The following HECW2 variants were observed in gnomAD, a reference collection of about 807,000 sequenced individuals.
HECW2 encodes the protein HECT, C2 and WW domain containing E3 ubiquitin protein ligase 2.
A neutral mutation model predicts 175.2 loss-of-function variants in HECW2; 61 were observed. That is an observed-to-expected ratio of 0.35 (90% confidence interval 0.28 to 0.43). HECW2 has a LOEUF of 0.43. Among genes scored for constraint, HECW2 ranks in the 20% least tolerant of loss-of-function variants. The pLI is 1.00. For missense variants in HECW2, 1,524 were observed against 2,000.5 expected (o/e 0.76, Z 4.54); for synonymous variants, 671 against 731.0 (o/e 0.92, Z 1.32).
rs1020806321 is a variant in HECW2, at chr2:196,322,957, T to C, written c.742-337A>G. Among the ~76,000 whole-genome samples the C allele has an allele frequency of 2.0e-5, 3 of 152,248 alleles. No individual in the cohort carries two copies. The East Asian group carries it at 5.8e-4, about 29-fold the overall frequency. On this transcript the variant is annotated intron_variant, in intron 6 of 28. Coordinates refer to ENST00000644978, the MANE Select transcript of HECW2 (RefSeq NM_001348768.2). ...CTCCCTACATTTATTGTATCTCAAT[T>C]CTTTGATATTTAATATCTTGTTATA...
chr2:196,450,041 T>C (rs1304422417), intron 1 of HECW2, among the ~76,000 whole-genome samples: 2 of 152,238 alleles, frequency 1.3e-5, no homozygotes, highest in Admixed American at 6.5e-5. Context: ...CTTGGTGGTG[T>C]GCCAGGCTGA....
rs754882877 is a variant in HECW2, at chr2:196,433,202, C to T, written c.222G>A (p.Gln74=). The change falls in exon 2 of 29, where the codon CAG becomes CAA. Residue 74 remains glutamine (Q), a synonymous_variant. Transcript: ENST00000644978. ...TAATGTCCCAGAAGATAATGAGGTTCTGGGCTTGCCCCAGCGTGTACTCGT... is the reference window on the plus strand; with the variant it reads ...TAATGTCCCAGAAGATAATGAGGTTTTGGGCTTGCCCCAGCGTGTACTCGT... The part of the protein sequence containing the change: ...SMYEYTLGQA[Q]NLIIFWDIKE... 6.2e-7 allele frequency: 1 copy of T among 1,614,164 alleles called. No individual in the cohort carries two copies. Among genetic ancestry groups the T allele is most frequent in the Admixed American group, 1.7e-5 (1 of 60,022 alleles).
chr2:196,475,335 G>A (rs547322968), intron 1 of HECW2, among the ~76,000 whole-genome samples: 1 of 150,312 alleles, frequency 6.7e-6, no homozygotes, highest in Non-Finnish European at 1.5e-5. Context: ...GAGATGGGGG[G>A]AGAGGGAGGG....
At position 196,201,107 on chromosome 2, in the gene HECW2, G is replaced by T. The variant is rs753861187; in HGVS notation, c.*170C>A. On this transcript the variant is annotated 3_prime_UTR_variant, in exon 29 of 29. Coordinates refer to ENST00000644978, the MANE Select transcript of HECW2 (RefSeq NM_001348768.2). ...CAAGCTCACCCAAATCCTTCCAAGAGGACTCATCTCCAGTCCCCAAATGTG... is the reference window on the plus strand; with the variant it reads ...CAAGCTCACCCAAATCCTTCCAAGATGACTCATCTCCAGTCCCCAAATGTG... 190 of 582,330 alleles carry T rather than the reference G, an allele frequency of 3.3e-4. No homozygotes were observed. Among genetic ancestry groups the T allele is most frequent in the Non-Finnish European group, 5.2e-4 (167 of 319,292 alleles). 36.1% of individuals were successfully genotyped at this position (582,330 alleles called of 1,614,324 possible).
At position 196,217,093 on chromosome 2, in the gene HECW2, C is replaced by A; in HGVS notation, c.4409G>T (p.Gly1470Val). 2 of 1,589,806 alleles carry A rather than the reference C, an allele frequency of 1.3e-6. No homozygotes were observed. The highest frequency in any genetic ancestry group is 1.8e-5 in the Admixed American group (1 of 55,292). The change falls in exon 27 of 29, where the codon GGA becomes GTA. Residue 1470 changes from glycine to valine, a missense_variant and splice_region_variant. By Grantham distance (109) the Gly-to-Val change is moderately radical. This residue lies in a region of HECW2 where 134 missense variants were observed against 287.8 expected (regional missense o/e 0.47). Coordinates refer to ENST00000644978, the MANE Select transcript of HECW2 (RefSeq NM_001348768.2). ...DWRNNTEYRG[G>V]YHDNHIVIRW... ...AATTACAATATGATTGTCATGGTAT[C>A]CTATCAAACCAATCATAAAAGCCCA...
chr2:196,468,257 A>G (rs547069337), intron 1 of HECW2, among the ~76,000 whole-genome samples: 3 of 152,354 alleles, frequency 2.0e-5, no homozygotes, highest in African/African-American at 7.2e-5. Context: ...GGCCTCCCAA[A>G]GTGTTATGAT....
intron 1 of HECW2, among the ~76,000 whole-genome samples, chr2:196,459,679 C>T (rs1310010809): frequency 6.6e-6 from 1 of 152,116 alleles, no homozygotes; most frequent in East Asian, 1.9e-4. Context: ...CTCCTGAAAC[C>T]GCCCCTCCTT....
intron 2 of HECW2, among the ~76,000 whole-genome samples, chr2:196,350,102 G>A (rs939255123): frequency 3.3e-5 from 5 of 152,124 alleles, no homozygotes; most frequent in African/African-American, 7.2e-5. Flanking sequence ...GGTGGCTCAT[G>A]CTTGTAATCC....
intron 2 of HECW2, among the ~76,000 whole-genome samples, chr2:196,421,538 A>G (rs936276421): frequency 2.0e-5 from 3 of 152,190 alleles, no homozygotes; most frequent in African/African-American, 7.2e-5. Context: ...TAAAAAGCTA[A>G]TTATAACAAA....
At chr2:196,546,192 C>G (rs1161083241) in intron 1 of HECW2, among the ~76,000 whole-genome samples, 1 of 152,178 alleles carries the variant, frequency 6.6e-6, no homozygotes, top group Non-Finnish European at 1.5e-5. Context: ...AGGCACAAAT[C>G]CTGTCTGTGG....
intron 1 of HECW2, among the ~76,000 whole-genome samples, chr2:196,562,310 A>C (rs1690028795): frequency 2.0e-5 from 3 of 152,230 alleles, no homozygotes. Context: ...ATGTACTTTA[A>C]ATGTATAAAG....
intron 1 of HECW2, among the ~76,000 whole-genome samples, chr2:196,436,369 C>T (rs2125279338): frequency 6.9e-6 from 1 of 145,970 alleles, no homozygotes; most frequent in Non-Finnish European, 1.5e-5. Context: ...CCACTGGACT[C>T]CAGTCTGGGC....
At position 196,358,999 on chromosome 2, in the gene HECW2, G is replaced by A. The variant is rs1042533166; in HGVS notation, c.293-15235C>T. Among the ~76,000 whole-genome samples, 9 of 152,274 alleles carry A rather than the reference G, an allele frequency of 5.9e-5. No homozygotes were observed. In the South Asian group the frequency reaches 1.5e-3, roughly 25 times the overall value. On this transcript the variant is annotated intron_variant, in intron 2 of 28. Transcript: ENST00000644978. ...GCCTGGCTTGATAAAGAACCAGATG[G>A]AGGTGCCCTCATCTCCCTAACACAA...
At chr2:196,533,744 TA>T (rs1688922593) in intron 1 of HECW2, among the ~76,000 whole-genome samples, 1 of 152,234 alleles carries the variant, frequency 6.6e-6, no homozygotes, top group Non-Finnish European at 1.5e-5. Flanking sequence ...TATCTCACTG[TA>T]AAACAGTTAT....
rs576988399 is a variant in HECW2, at chr2:196,421,630, G to A, written c.292+11502C>T. Among the ~76,000 whole-genome samples, 8 of 152,194 alleles carry A rather than the reference G, an allele frequency of 5.3e-5. No homozygotes were observed. In the East Asian group the frequency reaches 1.3e-3, roughly 26 times the overall value. On this transcript the variant is annotated intron_variant, in intron 2 of 28. Coordinates refer to ENST00000644978, the MANE Select transcript of HECW2 (RefSeq NM_001348768.2). ...AATCAGAACAAAGAATTTCTAAACC[G>A]CATGCAAAAGCTATCTTAATTCAAT...
At chr2:196,294,286 G>A (rs1559017573) in intron 13 of HECW2, among the ~76,000 whole-genome samples, 1 of 152,172 alleles carries the variant, frequency 6.6e-6, no homozygotes, top group African/African-American at 2.4e-5. Context: ...TATGGCAGCT[G>A]TTTCCTTGAA....
chr2:196,524,660 G>T (rs1335923275), intron 1 of HECW2, among the ~76,000 whole-genome samples: 1 of 114,600 alleles, frequency 8.7e-6, no homozygotes, highest in Non-Finnish European at 1.6e-5. Context: ...GTGTCCCAGA[G>T]ATTCTGGTAT....
At position 196,278,591 on chromosome 2, in the gene HECW2, T is replaced by C. The variant is rs774704695; in HGVS notation, c.3072A>G (p.Arg1024=). The change falls in exon 15 of 29, where the codon AGA becomes AGG. Residue 1024 remains arginine, a synonymous_variant. Transcript: ENST00000644978. ...GCCGATGAACCAGCGCACTTGTGGG[T>C]CTACTGCTCTGAAGTGGGAGCCGGG... ...IDPRLPLQSS[R]PTSALVHRQH... is the part of the protein sequence containing the mutation. 9 of 1,613,902 alleles carry C rather than the reference T, an allele frequency of 5.6e-6. No homozygotes were observed. In the South Asian group the frequency reaches 9.9e-5, roughly 18 times the overall value.
chr2:196,521,560 C>A (rs1265899017), intron 1 of HECW2, among the ~76,000 whole-genome samples: 31 of 150,160 alleles, frequency 2.1e-4, no homozygotes, highest in Admixed American at 1.8e-3. Flanking sequence ...TATACATGTG[C>A]CATGCTGGTG....
Sources: gnomAD v4.1 joint callset for allele counts (sites outside exome capture counted in the v4.1 genomes callset) on GRCh38, gnomAD v4.1.1 for gene constraint, gnomAD v4.1.1 regional missense constraint, MANE v1.5 for transcripts, NCBI Gene and HGNC (gene_info 2026-07-23, HGNC 2026-07-21) for gene names.